FRMD3: variants seen among roughly 807,000 people sequenced by gnomAD.
FRMD3 encodes the protein FERM domain containing 3, also known as FERM domain-containing protein 3.
FRMD3 carries 33 observed loss-of-function variants against 70.2 expected under a neutral mutation model. The ratio of observed to expected loss-of-function variants is 0.47; its 90% CI spans 0.36 to 0.63. The LOEUF (loss-of-function observed/expected upper bound fraction) is 0.63. Among genes scored for constraint, FRMD3 ranks in the 20% least tolerant of loss-of-function variants. The probability of loss-of-function intolerance (pLI) is 0.00; values close to 1 mark genes in which losing one functional copy is unlikely to be tolerated. For missense variants in FRMD3, 632 were observed against 711.4 expected, an observed-to-expected ratio of 0.89 and a Z score of 1.27; for synonymous variants, 279 against 255.9, an observed-to-expected ratio of 1.09 and a Z score of -0.86.
chr9:83,327,375 G>A (rs143665548), intron 6 of FRMD3, among the ~76,000 whole-genome samples: 1 of 152,278 alleles, frequency 6.6e-6, no homozygotes, highest in East Asian at 1.9e-4. Flanking sequence ...GCAGGGCTTG[G>A]GACTTTAGCA....
chr9:83,538,021 C>T lies in FRMD3; in HGVS notation c.147+64G>A. On this transcript the variant is annotated intron_variant, in intron 1 of 13. Coordinates refer to ENST00000304195, the MANE Select transcript of FRMD3 (RefSeq NM_174938.6). The surrounding 1 kb of genome is among the most constrained non-coding windows in gnomAD (Gnocchi z 4.7). ...TGGGTTCCTTGTTCTCGCATGCCCA[C>T]CGCAAAGGCCCCCCGCCCTGCTCCC... 1.3e-6 allele frequency: 2 copies of T among 1,577,676 alleles called. No individual in the cohort carries two copies. The highest frequency in any genetic ancestry group is 1.7e-6 in the Non-Finnish European group (2 of 1,156,488).
intron 6 of FRMD3, among the ~76,000 whole-genome samples, chr9:83,314,286 G>C (rs1018642703): frequency 2.0e-5 from 3 of 152,112 alleles, no homozygotes; most frequent in African/African-American, 7.2e-5. Flanking sequence ...TGGTAAACAA[G>C]GTCTTGGCCT....
In FRMD3 at chr9:83,538,031, C is replaced by A; in HGVS notation, c.147+54G>T. 2 of 1,596,398 alleles carry A rather than the reference C, an allele frequency of 1.3e-6. No homozygotes were observed. Among genetic ancestry groups the A allele is most frequent in the Admixed American group, 3.4e-5 (2 of 59,276 alleles). On this transcript the variant is annotated intron_variant, in intron 1 of 13. Transcript: ENST00000304195. This position sits in a 1 kb window ranked among gnomAD's most constrained non-coding sequence, Gnocchi z 4.7. ...GTTCTCGCATGCCCACCGCAAAGGC[C>A]CCCCGCCCTGCTCCCGGCGTGTGCC... is the stretch of plus-strand genomic sequence containing the variant.
At chr9:83,288,463 A>G (rs1359898666) in intron 13 of FRMD3, among the ~76,000 whole-genome samples, 2 of 152,246 alleles carry the variant, frequency 1.3e-5, no homozygotes, top group Non-Finnish European at 1.5e-5. Context: ...AATTGAGTCT[A>G]TATCATGAAA....
intron 1 of FRMD3, among the ~76,000 whole-genome samples, chr9:83,419,291 T>G (rs1204980251): frequency 6.6e-6 from 1 of 152,200 alleles, no homozygotes; most frequent in East Asian, 1.9e-4. Context: ...TTAAAAAATT[T>G]TTTAAAGGTT....
intron 2 of FRMD3, among the ~76,000 whole-genome samples, chr9:83,386,368 T>A (rs1253809515): frequency 1.3e-5 from 2 of 152,222 alleles, no homozygotes; most frequent in Non-Finnish European, 2.9e-5. Context: ...ATTTAGTGGC[T>A]ACATGAGATA....
chr9:83,443,854 CT>C (rs1827380099), intron 1 of FRMD3, among the ~76,000 whole-genome samples: 1 of 152,104 alleles, frequency 6.6e-6, no homozygotes, highest in East Asian at 1.9e-4. Flanking sequence ...GAGATGGCAT[CT>C]CATTGTGGTG....
intron 1 of FRMD3, among the ~76,000 whole-genome samples, chr9:83,415,270 GTC>G (rs1826398135): frequency 1.3e-5 from 2 of 152,118 alleles, no homozygotes; most frequent in South Asian, 4.1e-4. Flanking sequence ...CATCCATCAG[GTC>G]AGCCATCTGG....
chr9:83,565,329 T>G, the FRMD3 span, among the ~76,000 whole-genome samples: 1 of 151,982 alleles, frequency 6.6e-6, no homozygotes, highest in African/African-American at 2.4e-5. Context: ...GTCAGAGAGT[T>G]TCTATTGATG....
Position 83,462,628 on chromosome 9 carries a change from C to T in FRMD3, c.148-72920G>A, listed in dbSNP as rs182366943. 2.2e-3 allele frequency among the ~76,000 whole-genome samples: 331 copies of T among 152,296 alleles called. 2 individuals carry two copies. The highest frequency in any genetic ancestry group is 6.8e-3 in the Middle Eastern group (2 of 294). ...ATCTCCCTCCTCTTACTCCCCTCTGCATCTCAAAGGCTCTTATTTCCATCC... is the reference window on the plus strand; with the variant it reads ...ATCTCCCTCCTCTTACTCCCCTCTGTATCTCAAAGGCTCTTATTTCCATCC... On this transcript the variant is annotated intron_variant, in intron 1 of 13. Transcript: ENST00000304195.
chr9:83,509,450 G>A (rs1026451037), intron 1 of FRMD3, among the ~76,000 whole-genome samples: 1 of 152,182 alleles, frequency 6.6e-6, no homozygotes, highest in South Asian at 2.1e-4. Context: ...GGAGGAAAGA[G>A]AATGGGTAAC....
the FRMD3 span, among the ~76,000 whole-genome samples, chr9:83,567,152 C>G: frequency 6.6e-6 from 1 of 152,238 alleles, no homozygotes; most frequent in East Asian, 1.9e-4. Context: ...GACTTCTGTG[C>G]ACCCACAGGC....
At chr9:83,373,525 G>A (rs1321170643) in intron 2 of FRMD3, among the ~76,000 whole-genome samples, 1 of 152,114 alleles carries the variant, frequency 6.6e-6, no homozygotes, top group Non-Finnish European at 1.5e-5. Context: ...AGAAAAATCA[G>A]CTCTATCACA....
At chr9:83,437,251 A>G (rs935823159) in intron 1 of FRMD3, among the ~76,000 whole-genome samples, 3 of 152,216 alleles carry the variant, frequency 2.0e-5, no homozygotes, top group Non-Finnish European at 4.4e-5. Flanking sequence ...TTTCTGTCCT[A>G]TAGAGGAGGC....
the FRMD3 span, among the ~76,000 whole-genome samples, chr9:83,573,321 G>A: frequency 5.3e-5 from 8 of 152,140 alleles, no homozygotes; most frequent in Non-Finnish European, 1.2e-4. Flanking sequence ...AAAGCCTATA[G>A]GCTAAGAATG....
At chr9:83,573,095 G>T in the FRMD3 span, among the ~76,000 whole-genome samples, 1 of 151,352 alleles carries the variant, frequency 6.6e-6, no homozygotes, top group South Asian at 2.1e-4. Context: ...TATTCATGTA[G>T]TGGTGAGATT....
At chr9:83,510,741 G>A (rs1829320675) in intron 1 of FRMD3, among the ~76,000 whole-genome samples, 1 of 152,196 alleles carries the variant, frequency 6.6e-6, no homozygotes, top group Non-Finnish European at 1.5e-5. Flanking sequence ...AAAATCCTAT[G>A]CTAAATGGAA....
At chr9:83,383,060 G>A (rs1482772706) in intron 2 of FRMD3, among the ~76,000 whole-genome samples, 1 of 152,208 alleles carries the variant, frequency 6.6e-6, no homozygotes, top group Non-Finnish European at 1.5e-5. Flanking sequence ...CCCTGCTGGA[G>A]AGGTCATCTG....
At chr9:83,355,497 G>A (rs1824306400) in intron 3 of FRMD3, among the ~76,000 whole-genome samples, 1 of 152,190 alleles carries the variant, frequency 6.6e-6, no homozygotes, top group South Asian at 2.1e-4. Flanking sequence ...CCCAGAGGAT[G>A]AGCCCCTGAG....
Sources: allele counts gnomAD v4.1 joint callset (sites outside exome capture counted in the v4.1 genomes callset), GRCh38; gene constraint gnomAD v4.1.1; non-coding constraint Gnocchi (gnomAD v3.1); transcripts MANE v1.5; gene names NCBI Gene and HGNC (gene_info 2026-07-23, HGNC 2026-07-21).